HERC1: variants seen among roughly 807,000 people sequenced by gnomAD.
HERC1 encodes the protein probable E3 ubiquitin-protein ligase HERC1.
HERC1 carries 160 observed loss-of-function variants against 554.3 expected under a neutral mutation model. The ratio of observed to expected loss-of-function variants is 0.29; its 90% CI spans 0.25 to 0.33. The LOEUF (loss-of-function observed/expected upper bound fraction) is 0.33, where lower values mean the gene tolerates loss of function less well. Among genes scored for constraint, HERC1 ranks in the 10% least tolerant of loss-of-function variants. HERC1 has a pLI of 1.00. For missense variants in HERC1, 4,919 were observed against 5,918.5 expected, an observed-to-expected ratio of 0.83 and a Z score of 5.54; for synonymous variants, 2,175 against 2,131.7, an observed-to-expected ratio of 1.02 and a Z score of -0.56.
At chr15:63,827,397 C>G (rs1034490912) in intron 1 of HERC1, among the ~76,000 whole-genome samples, 5 of 151,554 alleles carry the variant, frequency 3.3e-5, no homozygotes, top group African/African-American at 1.2e-4. Context: ...GCACTCCAGC[C>G]TGAGCAACAG....
At chr15:63,811,387 C>G (rs530518241) in intron 1 of HERC1, among the ~76,000 whole-genome samples, 2 of 152,172 alleles carry the variant, frequency 1.3e-5, no homozygotes, top group Admixed American at 6.5e-5. Context: ...CAAAATGTTG[C>G]AATTTGTGAA....
chr15:63,665,849 G>A (rs2070602700), intron 42 of HERC1, 70 bp downstream of exon 42: 5 of 1,068,928 alleles, frequency 4.7e-6, no homozygotes, highest in East Asian at 2.4e-5. Flanking sequence ...CATTTATGAC[G>A]GGATATATAA....
chr15:63,700,494 CAATTA>C (rs1258163115), intron 25 of HERC1, among the ~76,000 whole-genome samples: 1 of 151,760 alleles, frequency 6.6e-6, no homozygotes, highest in African/African-American at 2.4e-5. Flanking sequence ...ATACTGGTGT[CAATTA>C]AACCCTAGGA....
chr15:63,661,213 A>C (rs1006197637), intron 45 of HERC1, among the ~76,000 whole-genome samples, 188 bp from the exon 46 acceptor site: 1 of 152,246 alleles, frequency 6.6e-6, no homozygotes, highest in Admixed American at 6.5e-5. Context: ...TTACAAAATC[A>C]ATGATTATTT....
intron 2 of HERC1, among the ~76,000 whole-genome samples, chr15:63,765,887 G>A (rs571656374): frequency 4.1e-4 from 62 of 152,024 alleles, no homozygotes; most frequent in Non-Finnish European, 8.1e-4. Flanking sequence ...AGACTGTTTC[G>A]CTCTTGTCAC....
rs1311374215 is a variant in HERC1, at chr15:63,809,893, T to C, written c.-27+23934A>G. Among the ~76,000 whole-genome samples, 3 of 152,116 alleles carry C rather than the reference T, an allele frequency of 2.0e-5. No individual in the cohort carries two copies. In the East Asian group the frequency reaches 5.8e-4, roughly 29 times the overall value. On this transcript the variant is annotated intron_variant, in intron 1 of 77. Coordinates refer to ENST00000443617, the MANE Select transcript of HERC1 (RefSeq NM_003922.4). ...TAAGGTCTCACTATGTTGCCCAGAC[T>C]AGTCTCGAACCCCTGGGTTTAAGCA...
intron 76 of HERC1, among the ~76,000 whole-genome samples, chr15:63,613,665 A>G (rs146159060): frequency 3.7e-4 from 56 of 151,556 alleles, no homozygotes; most frequent in African/African-American, 1.2e-3. Context: ...AATAAAATTT[A>G]TTATATATAT....
At chr15:63,664,869 A>T (rs1264109024) in intron 42 of HERC1, among the ~76,000 whole-genome samples, 1 of 152,218 alleles carries the variant, frequency 6.6e-6, no homozygotes, top group Non-Finnish European at 1.5e-5. Context: ...ATATGACCTT[A>T]ACTAAATCCT....
chr15:63,666,312 A>G, intron 41 of HERC1, 44 bp downstream of exon 41: 1 of 1,441,004 alleles, frequency 6.9e-7, no homozygotes, highest in Non-Finnish European at 9.7e-7. Flanking sequence ...ATAAGCTAGG[A>G]CTTCTCATAT....
At chr15:63,787,832 G>A (rs1407840519) in intron 1 of HERC1, among the ~76,000 whole-genome samples, 1 of 151,788 alleles carries the variant, frequency 6.6e-6, no homozygotes, top group Admixed American at 6.6e-5. Context: ...GGGCGTGGTG[G>A]TGTATGCCTG....
Position 63,725,350 on chromosome 15 carries a change from T to G in HERC1, c.3510A>C (p.Ala1170=). The G allele has an allele frequency of 6.2e-7, 1 of 1,613,956 alleles. No homozygotes were observed. The highest frequency in any genetic ancestry group is 8.5e-7 in the Non-Finnish European group (1 of 1,179,864). ...SPVSPEEQDT[A]YWMKTPLFSD... ...TGAACAGTGGCGTTTTCATCCAATA[T>G]GCAGTGTCCTGTTCCTCTGGAGACA... Residue 1170 remains alanine (A), a synonymous_variant, in exon 18 of 78, where the codon GCA becomes GCC. Coordinates refer to ENST00000443617, the MANE Select transcript of HERC1 (RefSeq NM_003922.4).
At chr15:63,691,731 G>A (rs893778492) in intron 31 of HERC1, among the ~76,000 whole-genome samples, 5 of 152,020 alleles carry the variant, frequency 3.3e-5, no homozygotes, top group Admixed American at 6.6e-5. Context: ...TGCCGTAGAG[G>A]ATTACATTAT....
Position 63,692,310 on chromosome 15 carries a change from A to T in HERC1, c.5830+101T>A. The T allele has an allele frequency of 1.2e-6, 1 of 865,626 alleles. No individual in the cohort carries two copies. 53.6% of individuals were successfully genotyped at this position (865,626 alleles called of 1,614,324 possible). On this transcript the variant is annotated intron_variant, in intron 31 of 77. Coordinates refer to ENST00000443617, the MANE Select transcript of HERC1 (RefSeq NM_003922.4). The surrounding 1 kb of genome is among the most constrained non-coding windows in gnomAD (Gnocchi z 4.7). ...AGAAAATAAGAAAGAAAAGCCTTCA[A>T]ATCAAGGTTACACATGGAGTGTTGC...
intron 39 of HERC1, among the ~76,000 whole-genome samples, chr15:63,671,203 CAA>C (rs371521135): frequency 1.4e-4 from 17 of 123,454 alleles, no homozygotes; most frequent in Admixed American, 1.7e-4. Flanking sequence ...AACTTTGTCT[CAA>C]AAAAAAAAAA....
chr15:63,641,583 A>C lies in HERC1; in HGVS notation c.11494T>G (p.Cys3832Gly), dbSNP rs2152841992. ...WAAANHVLAT[C>G]RTALKQQGVL... ...CCCTGCTGTTTCAATGCTGTCCTAC[A>C]GGTTGCCAAAACATGATTGGCAGCT... Residue 3832 changes from cysteine to glycine, a missense_variant, in exon 60 of 78, where the codon TGT becomes GGT. By Grantham distance (159) the Cys-to-Gly change is radical. Transcript: ENST00000443617. The C allele has an allele frequency of 1.9e-6, 3 of 1,600,576 alleles. No homozygotes were observed. Among genetic ancestry groups the C allele is most frequent in the Non-Finnish European group, 2.6e-6 (3 of 1,172,638 alleles).
At chr15:63,774,382 C>T (rs2076053568) in intron 2 of HERC1, among the ~76,000 whole-genome samples, 4 of 152,012 alleles carry the variant, frequency 2.6e-5, no homozygotes, top group African/African-American at 7.3e-5. Context: ...ACCTGCTGAT[C>T]ACTAGCCAAA....
At position 63,833,894 on chromosome 15, in the gene HERC1, G is replaced by C. The variant is rs2078262244; in HGVS notation, c.-94C>G. The C allele has an allele frequency of 6.5e-6, 1 of 152,796 alleles. No homozygotes were observed. The highest frequency in any genetic ancestry group is 2.4e-5 in the African/African-American group (1 of 41,454). The allele number at this position is 152,796 out of a possible 1,614,324, so 9.5% of individuals were successfully genotyped here. Reference sequence around the variant, plus strand: ...CGAGCCCGGCTCCGCAGAGGCTGCGGCGGTCGCGTCCTTTATTTTTGCTGC... The same window carrying C: ...CGAGCCCGGCTCCGCAGAGGCTGCGCCGGTCGCGTCCTTTATTTTTGCTGC... On this transcript the variant is annotated 5_prime_UTR_variant, in exon 1 of 78. Transcript: ENST00000443617.
At position 63,713,506 on chromosome 15, in the gene HERC1, A is replaced by G. The variant is rs1268089213; in HGVS notation, c.4310T>C (p.Val1437Ala). 1.2e-6 allele frequency: 2 copies of G among 1,613,904 alleles called. No homozygotes were observed. Among genetic ancestry groups the G allele is most frequent in the Non-Finnish European group, 1.7e-6 (2 of 1,179,902 alleles). Residue 1437 changes from valine to alanine, a missense_variant, in exon 23 of 78, where the codon GTG (valine) becomes GCG (alanine). Val to Ala is a moderately conservative substitution (Grantham distance 64). Coordinates refer to ENST00000443617, the MANE Select transcript of HERC1 (RefSeq NM_003922.4). ...CACGGAGTTGCATGCAGCAGTGTAC[A>G]CATCCTGACCCTCAGGAAGGTCTGT... ...VSTDLPEGQD[V>A]YTAACNSVIH... is the part of the protein sequence containing the mutation.
At chr15:63,738,973 G>A (rs1194759829) in intron 12 of HERC1, among the ~76,000 whole-genome samples, 2 of 95,356 alleles carry the variant, frequency 2.1e-5, no homozygotes, top group Non-Finnish European at 4.5e-5. Flanking sequence ...TACTTGAAAA[G>A]TCAGTTTATT....
Sources: allele counts gnomAD v4.1 joint callset (sites outside exome capture counted in the v4.1 genomes callset), GRCh38; gene constraint gnomAD v4.1.1; non-coding constraint Gnocchi (gnomAD v3.1); transcripts MANE v1.5; gene names NCBI Gene and HGNC (gene_info 2026-07-23, HGNC 2026-07-21).